Variants in DNAJC13 observed in about 807,000 individuals in gnomAD.
The protein encoded by DNAJC13 is dnaJ homolog subfamily C member 13.
Under a neutral mutation model 290.5 loss-of-function variants are expected in DNAJC13, and 75 were observed. The ratio of observed to expected loss-of-function variants is 0.26; its 90% confidence interval spans 0.21 to 0.31. DNAJC13 has a LOEUF of 0.31. Ranked by LOEUF, DNAJC13 falls within the 10% of genes least tolerant of loss-of-function variation. The pLI is 1.00. For synonymous variants in DNAJC13, 862 were observed against 892.0 expected (o/e 0.97, Z 0.60); for missense variants, 2,260 against 2,674.5 (o/e 0.85, Z 3.42).
At chr3:132,473,920 A>G (rs764127220) in intron 21 of DNAJC13, among the ~76,000 whole-genome samples, 2 of 152,188 alleles carry the variant, frequency 1.3e-5, no homozygotes, top group African/African-American at 4.8e-5. Flanking sequence ...GTTGCGCCCC[A>G]TAGAACTTCC....
chr3:132,426,262 A>G (rs987551111), intron 1 of DNAJC13, among the ~76,000 whole-genome samples: 5 of 152,302 alleles, frequency 3.3e-5, no homozygotes, highest in East Asian at 1.9e-4. Context: ...TAGCATGAAA[A>G]CAAGTGAAGC....
At chr3:132,451,514 C>A (rs1429892489) in intron 6 of DNAJC13, among the ~76,000 whole-genome samples, 6 of 152,078 alleles carry the variant, frequency 3.9e-5, no homozygotes, top group Non-Finnish European at 5.9e-5. Context: ...CCCTGTTAAT[C>A]AGTAATAGAA....
In DNAJC13 at chr3:132,492,537, T is replaced by C. The variant is rs768500157; in HGVS notation, c.3747T>C (p.Asn1249=). The change falls in exon 33 of 56, where the codon AAT becomes AAC. Residue 1249 remains asparagine, a synonymous_variant. Coordinates refer to ENST00000260818, the MANE Select transcript of DNAJC13 (RefSeq NM_015268.4). ...IPIINYPQLE[N]ELFCNIYYLK... is the part of the protein sequence containing the mutation. ...TAATCAACTATCCACAACTCGAAAA[T>C]GAACTATTTTGTAATATTTATTACC... The C allele has an allele frequency of 1.9e-5, 30 of 1,613,704 alleles. No individual in the cohort carries two copies. Among genetic ancestry groups the C allele is most frequent in the Middle Eastern group, 1.6e-4 (1 of 6,084 alleles).
In DNAJC13 at chr3:132,488,391, C is replaced by T. The variant is rs181067913; in HGVS notation, c.3361C>T (p.Leu1121=). 5.6e-6 allele frequency: 9 copies of T among 1,613,652 alleles called. No homozygotes were observed. The East Asian group carries it at 2.0e-4, about 36-fold the overall frequency. ...QDNPQLPRLY[L]SGVFFFIMMY... is the part of the protein sequence containing the mutation. ...TAACCCACAGTTACCCCGCCTTTAT[C>T]TGAGTGGAGTATTTTTCTTTATCAT... Residue 1121 remains leucine, a synonymous_variant, in exon 30 of 56, where the codon CTG becomes TTG. Transcript: ENST00000260818.
intron 45 of DNAJC13, 52 bp from the exon 46 acceptor site, chr3:132,514,519 T>G (rs530352382): frequency 9.7e-5 from 133 of 1,373,836 alleles, no homozygotes; most frequent in Non-Finnish European, 1.2e-4. Context: ...TAATTTGATT[T>G]AGGTTCAAAA....
Position 132,517,760 on chromosome 3 carries a change from T to C in DNAJC13, c.5673+944T>C, listed in dbSNP as rs1935960773. On this transcript the variant is annotated intron_variant, in intron 48 of 55. Transcript: ENST00000260818. ...CATTGTGCCTCCATGTAAAGTTCAG[T>C]TTGAAAAAAAAAGTCCGAGGCTAAT... is the stretch of plus-strand genomic sequence containing the variant. 2.0e-5 allele frequency among the ~76,000 whole-genome samples: 3 copies of C among 152,030 alleles called. 1 individual carries two copies. In the South Asian group the frequency reaches 6.2e-4, roughly 32 times the overall value.
At chr3:132,444,350 A>G (rs747718240) in intron 2 of DNAJC13, among the ~76,000 whole-genome samples, 5 of 152,306 alleles carry the variant, frequency 3.3e-5, no homozygotes, top group Admixed American at 2.0e-4. Context: ...TTATTGGACA[A>G]TGTAGGTCTA....
chr3:132,436,571 G>GT (rs1227896317), intron 2 of DNAJC13, among the ~76,000 whole-genome samples: 1 of 152,156 alleles, frequency 6.6e-6, no homozygotes, highest in African/African-American at 2.4e-5. Flanking sequence ...GGGTTATGTG[G>GT]TAACTCTGTT....
intron 53 of DNAJC13, 116 bp from the exon 54 acceptor site, chr3:132,528,073 A>T (rs1294193194): frequency 1.7e-5 from 19 of 1,102,356 alleles, no homozygotes; most frequent in Non-Finnish European, 2.5e-5. Context: ...TGTGTATGGC[A>T]TTAAAATACG....
At chr3:132,456,605 T>G in intron 11 of DNAJC13, 25 bp downstream of exon 11, 1 of 1,613,456 alleles carries the variant, frequency 6.2e-7, no homozygotes, top group Non-Finnish European at 8.5e-7. Context: ...ATCATAATTG[T>G]TCATTGTTAC....
At chr3:132,504,283 GA>G (rs1275241596) in intron 41 of DNAJC13, among the ~76,000 whole-genome samples, 4 of 149,644 alleles carry the variant, frequency 2.7e-5, no homozygotes, top group African/African-American at 9.8e-5. Flanking sequence ...TCCCATGTGT[GA>G]AAGGCAGGAG....
At position 132,499,726 on chromosome 3, in the gene DNAJC13, C is replaced by T. The variant is rs745915576; in HGVS notation, c.4342-8C>T. 1 of 1,613,464 alleles carries T rather than the reference C, an allele frequency of 6.2e-7. No homozygotes were observed. The highest frequency in any genetic ancestry group is 1.1e-5 in the South Asian group (1 of 90,928). ...TGGAGAGTTAATAGCTGACTTCTTC[C>T]TCTGCAGGTGTTACAAGAGGCATTT... On this transcript the variant is annotated splice_polypyrimidine_tract_variant and splice_region_variant and intron_variant, in intron 37 of 55. Transcript: ENST00000260818.
chr3:132,515,079 AATAAG>A (rs1292935149), intron 46 of DNAJC13, among the ~76,000 whole-genome samples: 15 of 152,136 alleles, frequency 9.9e-5, no homozygotes, highest in African/African-American at 2.4e-5. Flanking sequence ...ATTTGATATT[AATAAG>A]ATAAAATACC....
intron 1 of DNAJC13, among the ~76,000 whole-genome samples, chr3:132,428,244 G>C (rs906139567): frequency 6.6e-6 from 1 of 152,166 alleles, no homozygotes; most frequent in African/African-American, 2.4e-5. Flanking sequence ...ACCTTCATTA[G>C]CGAGTTACGT....
At chr3:132,516,872 G>C in intron 48 of DNAJC13, 56 bp downstream of exon 48, 1 of 1,356,876 alleles carries the variant, frequency 7.4e-7, no homozygotes, top group East Asian at 2.4e-5. Flanking sequence ...TTGTTACTTT[G>C]ATACTGATTT....
chr3:132,452,667 T>A (rs969549586), intron 6 of DNAJC13, among the ~76,000 whole-genome samples: 1 of 152,220 alleles, frequency 6.6e-6, no homozygotes, highest in Non-Finnish European at 1.5e-5. Context: ...ATTTCAGATT[T>A]GGGATTTTCA....
chr3:132,446,731 G>A (rs777288950), intron 3 of DNAJC13, among the ~76,000 whole-genome samples, 181 bp downstream of exon 3: 17 of 103,884 alleles, frequency 1.6e-4, no homozygotes, highest in Non-Finnish European at 2.9e-4. Context: ...TAAATAAACA[G>A]GAGGGGGAGA....
intron 1 of DNAJC13, 33 bp from the exon 2 acceptor site, chr3:132,434,505 T>A (rs1416762046): frequency 3.4e-6 from 5 of 1,464,930 alleles, no homozygotes; most frequent in Non-Finnish European, 4.7e-6. Flanking sequence ...ATATATAACA[T>A]GTACTAAGTG....
chr3:132,482,253 A>T lies in DNAJC13; in HGVS notation c.2902A>T (p.Met968Leu). 1 of 1,613,686 alleles carries T rather than the reference A, an allele frequency of 6.2e-7. No homozygotes were observed. The highest frequency in any genetic ancestry group is 8.5e-7 in the Non-Finnish European group (1 of 1,179,734). Residue 968 changes from methionine to leucine, a missense_variant, in exon 27 of 56, where the codon ATG (methionine) becomes TTG (leucine). Coordinates refer to ENST00000260818, the MANE Select transcript of DNAJC13 (RefSeq NM_015268.4). The stretch of plus-strand genomic sequence containing the variant: ...CAATGTAATTGAAGCTGCTCCAGAT[A>T]TGAAAAGAGAGAGTGAAAAGGAATG... ...QSNVIEAAPD[M>L]KRESEKEWYF...
Sources: allele counts gnomAD v4.1 joint callset (sites outside exome capture counted in the v4.1 genomes callset), GRCh38; gene constraint gnomAD v4.1.1; transcripts MANE v1.5; gene names NCBI Gene and HGNC (gene_info 2026-07-23, HGNC 2026-07-21).